H6PD: variants seen among roughly 807,000 people sequenced by gnomAD.
The protein encoded by H6PD is hexose-6-phosphate dehydrogenase/glucose 1-dehydrogenase.
A neutral mutation model predicts 61.2 loss-of-function variants in H6PD; 48 were observed. The observed-to-expected ratio is 0.78, with a 90% CI of 0.62 to 1.00. The LOEUF (loss-of-function observed/expected upper bound fraction) is 1.00, where lower values mean the gene tolerates loss of function less well. H6PD is among the 50% of genes least tolerant of loss of function. The pLI, the probability that H6PD is intolerant of heterozygous loss-of-function variation, is 0.00. For missense variants in H6PD, 1,093 were observed against 1,065.0 expected (o/e 1.03, Z -0.37); for synonymous variants, 480 against 457.9 (o/e 1.05, Z -0.62).
chr1:9,253,652 C>A (rs987688645), intron 3 of H6PD, among the ~76,000 whole-genome samples: 1 of 152,196 alleles, frequency 6.6e-6, no homozygotes, highest in African/African-American at 2.4e-5. Context: ...CTCCAGTGTG[C>A]GTTGTCTCCC....
chr1:9,262,204 C>T lies in H6PD; in HGVS notation c.891C>T (p.Phe297=), dbSNP rs1261187365. 2 of 1,614,170 alleles carry T rather than the reference C, an allele frequency of 1.2e-6. No individual in the cohort carries two copies. Among genetic ancestry groups the T allele is most frequent in the Non-Finnish European group, 1.7e-6 (2 of 1,180,008 alleles). The change falls in exon 4 of 5, where the codon TTC becomes TTT. Residue 297 remains phenylalanine (F), a synonymous_variant. Transcript: ENST00000377403. Reference sequence around the variant, plus strand: ...TGCTGCGGCACAAGCTTCAGGTCTTCCAGGCGCTGCGGGGCCTGCAGAGGG... The same window carrying T: ...TGCTGCGGCACAAGCTTCAGGTCTTTCAGGCGCTGCGGGGCCTGCAGAGGG... ...EAVLRHKLQV[F]QALRGLQRGS... is the part of the protein sequence containing the mutation.
At chr1:9,252,902 C>T (rs1426001817) in intron 3 of H6PD, among the ~76,000 whole-genome samples, 2 of 152,194 alleles carry the variant, frequency 1.3e-5, no homozygotes, top group Admixed American at 6.5e-5. Context: ...TCTTTCCTCC[C>T]AGTGTCCACC....
At chr1:9,256,314 G>A (rs966253749) in intron 3 of H6PD, among the ~76,000 whole-genome samples, 6 of 152,196 alleles carry the variant, frequency 3.9e-5, no homozygotes, top group African/African-American at 1.4e-4. Flanking sequence ...AGTTGGGCTG[G>A]ACTTCCTGCT....
At chr1:9,240,618 T>C (rs2268173) in intron 1 of H6PD, among the ~76,000 whole-genome samples, 74,664 of 152,062 alleles carry the variant, frequency 0.49, 19,912 homozygotes, top group African/African-American at 0.71. Context: ...CCCAGTGTAA[T>C]GCCCCCTCCC....
chr1:9,250,478 C>T (rs12738271), intron 3 of H6PD, among the ~76,000 whole-genome samples: 11 of 148,330 alleles, frequency 7.4e-5, no homozygotes, highest in South Asian at 4.3e-4. Context: ...GCAGGCCATT[C>T]TCCCCCACTC....
At chr1:9,240,703 G>A (rs1375608231) in intron 1 of H6PD, among the ~76,000 whole-genome samples, 2 of 152,202 alleles carry the variant, frequency 1.3e-5, no homozygotes, top group East Asian at 3.8e-4. Context: ...GTGATTCGTA[G>A]TTGGATAAGC....
At position 9,264,085 on chromosome 1, in the gene H6PD, T is replaced by C; in HGVS notation, c.1592T>C (p.Val531Ala). The C allele has an allele frequency of 6.2e-7, 1 of 1,613,984 alleles. No individual in the cohort carries two copies. The highest frequency in any genetic ancestry group is 1.1e-5 in the South Asian group (1 of 91,084). Residue 531 changes from valine to alanine, a missense_variant, in exon 5 of 5, where the codon GTG (valine) becomes GCG (alanine). Coordinates refer to ENST00000377403, the MANE Select transcript of H6PD (RefSeq NM_004285.4). ...TCCCAGCAGCAGCCGGAGCAGCTGG[T>C]GCCAGGGCCAGGGCCGGCCCCAATG... ...FFSQQQPEQL[V>A]PGPGPAPMPS... is the part of the protein sequence containing the mutation.
chr1:9,258,257 ACAT>A (rs1376513455), intron 3 of H6PD, among the ~76,000 whole-genome samples: 1 of 60,168 alleles, frequency 1.7e-5, no homozygotes, highest in Non-Finnish European at 5.2e-5. Context: ...TGGTGTTGTT[ACAT>A]CAGTGTTGTT....
intron 3 of H6PD, among the ~76,000 whole-genome samples, chr1:9,261,002 A>C (rs984060146): frequency 6.6e-6 from 1 of 152,010 alleles, no homozygotes; most frequent in Non-Finnish European, 1.5e-5. Flanking sequence ...ATCTGTCAGC[A>C]GGTCCAGTCA....
chr1:9,267,332 C>T lies in H6PD; in HGVS notation c.*2463C>T. ...CTGCCGCCTCCTGACTGCCCCTATC[C>T]CCGCAGCCCCTGTGCCGGATTTCAT... On this transcript the variant is annotated 3_prime_UTR_variant, in exon 5 of 5. Transcript: ENST00000377403. 6.6e-6 allele frequency: 1 copy of T among 152,570 alleles called. No individual in the cohort carries two copies. The highest frequency in any genetic ancestry group is 1.5e-5 in the Non-Finnish European group (1 of 68,274). The allele number at this position is 152,570 out of a possible 1,614,324, so 9.5% of individuals were successfully genotyped here.
Position 9,245,588 on chromosome 1 carries a change from G to A in H6PD, c.627+27G>A. On this transcript the variant is annotated intron_variant, in intron 2 of 4. Transcript: ENST00000377403. This position sits in a 1 kb window ranked among gnomAD's most constrained non-coding sequence, Gnocchi z 4.8. The stretch of plus-strand genomic sequence containing the variant: ...TGAGCATCAGCATGGAGCCTGCCAG[G>A]GCTAGGGTGAGCTGGGCGCTGGTAG... The A allele has an allele frequency of 1.2e-6, 2 of 1,611,906 alleles. No homozygotes were observed. The highest frequency in any genetic ancestry group is 1.7e-6 in the Non-Finnish European group (2 of 1,178,098).
In H6PD at chr1:9,264,038, C is replaced by T. The variant is rs781226821; in HGVS notation, c.1545C>T (p.Phe515=). ...AENGRLLDFE[F]SSGRLFFSQQ... ...ATGGCCGTCTGTTGGACTTTGAGTT[C>T]AGTAGCGGCCGGTTGTTCTTTTCCC... Residue 515 remains phenylalanine, a synonymous_variant, in exon 5 of 5, where the codon TTC becomes TTT. Transcript: ENST00000377403. 1.9e-5 allele frequency: 30 copies of T among 1,614,212 alleles called. No individual in the cohort carries two copies. The highest frequency in any genetic ancestry group is 2.5e-5 in the Non-Finnish European group (30 of 1,180,044).
rs747772567 is a variant in H6PD, at chr1:9,262,169, G to T, written c.856G>T (p.Ala286Ser). The change falls in exon 4 of 5, where the codon GCG becomes TCG. Residue 286 changes from alanine (A) to serine (S), a missense_variant. Ala to Ser is a moderately conservative substitution (Grantham distance 99). Transcript: ENST00000377403. Reference protein sequence around the residue: ...AMELPHNVSSAEAVLRHKLQV... With the variant: ...AMELPHNVSSSEAVLRHKLQV... ...GGAGCTGCCCCACAATGTCAGCAGT[G>T]CGGAGGCTGTGCTGCGGCACAAGCT... 6.2e-7 allele frequency: 1 copy of T among 1,614,274 alleles called. No homozygotes were observed. Among genetic ancestry groups the T allele is most frequent in the Non-Finnish European group, 8.5e-7 (1 of 1,180,050 alleles).
At chr1:9,262,372 G>A (rs888756291) in intron 4 of H6PD, 44 bp downstream of exon 4, 6 of 1,541,366 alleles carry the variant, frequency 3.9e-6, no homozygotes, top group Non-Finnish European at 4.4e-6. Flanking sequence ...TGCCCACTTC[G>A]CCGGGAGCAG....
At position 9,264,216 on chromosome 1, in the gene H6PD, G is replaced by A. The variant is rs149313646; in HGVS notation, c.1723G>A (p.Ala575Thr). The A allele has an allele frequency of 8.5e-5, 137 of 1,610,356 alleles. No individual in the cohort carries two copies. Among genetic ancestry groups the A allele is most frequent in the Non-Finnish European group, 9.0e-5 (106 of 1,178,910 alleles). The change falls in exon 5 of 5, where the codon GCT (alanine) becomes ACT (threonine). Residue 575 changes from alanine (A) to threonine (T), a missense_variant. Coordinates refer to ENST00000377403, the MANE Select transcript of H6PD (RefSeq NM_004285.4). ...SKLANDIEAT[A>T]VRAVRRFGQF... is the part of the protein sequence containing the mutation. Reference sequence around the variant, plus strand: ...GCTGGCTAATGACATCGAGGCCACCGCTGTGCGAGCCGTGCGGCGCTTTGG... The same window carrying A: ...GCTGGCTAATGACATCGAGGCCACCACTGTGCGAGCCGTGCGGCGCTTTGG...
Position 9,245,171 on chromosome 1 carries a change from G to C in H6PD, c.237G>C (p.Lys79Asn). 6.2e-7 allele frequency: 1 copy of C among 1,614,222 alleles called. No individual in the cohort carries two copies. The highest frequency in any genetic ancestry group is 8.5e-7 in the Non-Finnish European group (1 of 1,180,036). The change falls in exon 2 of 5, where the codon AAG (lysine) becomes AAC (asparagine). Residue 79 changes from lysine to asparagine, a missense_variant. Physicochemically the swap from Lys to Asn is moderately conservative, Grantham distance 94. Coordinates refer to ENST00000377403, the MANE Select transcript of H6PD (RefSeq NM_004285.4). The surrounding 1 kb of genome is among the most constrained non-coding windows in gnomAD (Gnocchi z 4.8). ...APKQGQELMA[K>N]ALESLSCPKD... Reference sequence around the variant, plus strand: ...AGCAGGGTCAAGAGCTCATGGCCAAGGCCCTGGAATCCCTCTCCTGCCCCA... The same window carrying C: ...AGCAGGGTCAAGAGCTCATGGCCAACGCCCTGGAATCCCTCTCCTGCCCCA...
intron 3 of H6PD, among the ~76,000 whole-genome samples, chr1:9,249,220 C>T (rs1244221360): frequency 6.6e-6 from 1 of 152,148 alleles, no homozygotes; most frequent in South Asian, 2.1e-4. Flanking sequence ...TCCAGCCCTC[C>T]CACCCTGTTT....
chr1:9,264,922 C>T lies in H6PD; in HGVS notation c.*53C>T. 7 of 1,591,282 alleles carry T rather than the reference C, an allele frequency of 4.4e-6. No individual in the cohort carries two copies. The highest frequency in any genetic ancestry group is 1.3e-5 in the African/African-American group (1 of 74,736). ...CTCCTGTGCTTTCCTTCGCCCGTGT[C>T]TTCCCTCCCTTCTCGGCCCCGCCAC... On this transcript the variant is annotated 3_prime_UTR_variant, in exon 5 of 5. Transcript: ENST00000377403.
At chr1:9,244,366 G>T (rs1366956263) in intron 1 of H6PD, among the ~76,000 whole-genome samples, 1 of 152,222 alleles carries the variant, frequency 6.6e-6, no homozygotes, top group Non-Finnish European at 1.5e-5. Context: ...TTCAAACTCA[G>T]GCAGTTAGTC....
Sources: gnomAD v4.1 joint callset for allele counts (sites outside exome capture counted in the v4.1 genomes callset) on GRCh38, gnomAD v4.1.1 for gene constraint, Gnocchi (gnomAD v3.1) non-coding constraint, MANE v1.5 for transcripts, NCBI Gene and HGNC (gene_info 2026-07-23, HGNC 2026-07-21) for gene names.